Variants in ADAMTS6 observed in about 807,000 individuals in gnomAD.
ADAMTS6 encodes ADAM metallopeptidase with thrombospondin type 1 motif 6.
Under a neutral mutation model 144.3 loss-of-function variants are expected in ADAMTS6, and 23 were observed. The observed-to-expected ratio is 0.16, with a 90% CI of 0.11 to 0.23. The LOEUF is 0.23. ADAMTS6 is among the 10% of genes least tolerant of loss of function. The probability of loss-of-function intolerance (pLI) is 1.00; values close to 1 mark genes in which losing one functional copy is unlikely to be tolerated. For missense variants in ADAMTS6, 999 were observed against 1,379.6 expected (o/e 0.72, Z 4.37); for synonymous variants, 444 against 457.5 (o/e 0.97, Z 0.38).
At chr5:65,244,980 G>T (rs541873104) in intron 14 of ADAMTS6, among the ~76,000 whole-genome samples, 52 of 152,194 alleles carry the variant, frequency 3.4e-4, no homozygotes, top group Non-Finnish European at 5.3e-4. Context: ...TCGGAGTAAG[G>T]CAGACCTGGA....
chr5:65,452,655 C>A, intron 5 of ADAMTS6, 52 bp downstream of exon 5: 2 of 1,585,966 alleles, frequency 1.3e-6, no homozygotes, highest in South Asian at 2.3e-5. Context: ...TGACCTTAGT[C>A]AAAAACACAA....
chr5:65,412,747 C>T (rs112192165), intron 7 of ADAMTS6, among the ~76,000 whole-genome samples: 1 of 151,894 alleles, frequency 6.6e-6, no homozygotes, highest in Non-Finnish European at 1.5e-5. Context: ...TATCAAATAA[C>T]AACTAAAAAC....
At chr5:65,447,396 GC>G (rs934304973) in intron 7 of ADAMTS6, among the ~76,000 whole-genome samples, 2 of 152,168 alleles carry the variant, frequency 1.3e-5, no homozygotes, top group African/African-American at 4.8e-5. Context: ...TCAAGCCAAT[GC>G]TAGATTTAGC....
rs1212485824 is a variant in ADAMTS6, at chr5:65,263,885, G to T, written c.1621-923C>A. Among the ~76,000 whole-genome samples the T allele has an allele frequency of 2.6e-5, 4 of 152,158 alleles. 1 individual carries two copies. Among genetic ancestry groups the T allele is most frequent in the Admixed American group, 2.0e-4 (3 of 15,276 alleles). ...AATAAGGAACATGGTTATCAGCAAA[G>T]TTGAACAAATGTCATCAATGTTAGG... On this transcript the variant is annotated intron_variant, in intron 12 of 24. Coordinates refer to ENST00000381055, the MANE Select transcript of ADAMTS6 (RefSeq NM_197941.4).
intron 11 of ADAMTS6, among the ~76,000 whole-genome samples, chr5:65,283,320 T>C (rs1763127203): frequency 6.6e-6 from 1 of 151,970 alleles, no homozygotes; most frequent in South Asian, 2.1e-4. Context: ...ATGTTACGGG[T>C]AATGGGAAAT....
At chr5:65,225,170 C>A in intron 16 of ADAMTS6, 123 bp from the exon 17 acceptor site, 1 of 1,156,774 alleles carries the variant, frequency 8.6e-7, no homozygotes, top group Non-Finnish European at 1.2e-6. Flanking sequence ...ATAAGGTAAT[C>A]CGTGAATAAA....
chr5:65,474,777 C>A (rs1327149902), intron 1 of ADAMTS6, among the ~76,000 whole-genome samples: 1 of 64,614 alleles, frequency 1.5e-5, no homozygotes, highest in African/African-American at 6.0e-5. Flanking sequence ...AAACTAGCCA[C>A]AAACAGCCAA....
At chr5:65,357,637 A>AT (rs111449590) in intron 7 of ADAMTS6, among the ~76,000 whole-genome samples, 6,799 of 151,862 alleles carry the variant, frequency 0.045, 287 homozygotes, top group African/African-American at 0.11. Context: ...TTCAAAAAAA[A>AT]CATAAACAAA....
chr5:65,328,548 C>A (rs1245858895), intron 9 of ADAMTS6, among the ~76,000 whole-genome samples: 1 of 151,548 alleles, frequency 6.6e-6, no homozygotes, highest in African/African-American at 2.4e-5. Flanking sequence ...AAAAAAAAAT[C>A]CTGTTAGTAA....
At chr5:65,264,834 C>T (rs1425386424) in intron 12 of ADAMTS6, among the ~76,000 whole-genome samples, 1 of 151,962 alleles carries the variant, frequency 6.6e-6, no homozygotes, top group Non-Finnish European at 1.5e-5. Flanking sequence ...GTGTATGTAA[C>T]AAAAATTTAT....
chr5:65,157,416 G>A (rs1752492897), intron 24 of ADAMTS6, among the ~76,000 whole-genome samples: 2 of 152,206 alleles, frequency 1.3e-5, no homozygotes, highest in Non-Finnish European at 2.9e-5. Flanking sequence ...ACAAGACCAA[G>A]TCCTCAAATG....
intron 7 of ADAMTS6, among the ~76,000 whole-genome samples, chr5:65,381,048 CATAATT>C (rs11279915): frequency 0.031 from 4,712 of 152,212 alleles, 250 homozygotes; most frequent in African/African-American, 0.11. Context: ...AAATGATAAA[CATAATT>C]ATAACCCTAT....
At chr5:65,473,059 G>C (rs1322910945) in intron 2 of ADAMTS6, among the ~76,000 whole-genome samples, 1 of 152,096 alleles carries the variant, frequency 6.6e-6, no homozygotes, top group African/African-American at 2.4e-5. Context: ...CAATTCTATA[G>C]ATTAAAATTA....
At chr5:65,409,087 G>A (rs1754825312) in intron 7 of ADAMTS6, among the ~76,000 whole-genome samples, 1 of 152,284 alleles carries the variant, frequency 6.6e-6, no homozygotes, top group East Asian at 1.9e-4. Context: ...ACGATTAAAA[G>A]AACTAGAGAA....
At chr5:65,465,631 T>C (rs1375532359) in intron 3 of ADAMTS6, among the ~76,000 whole-genome samples, 1 of 152,216 alleles carries the variant, frequency 6.6e-6, no homozygotes, top group Admixed American at 6.5e-5. Flanking sequence ...CAAACTCTTC[T>C]TCACTGAAAC....
intron 21 of ADAMTS6, among the ~76,000 whole-genome samples, chr5:65,192,711 A>T (rs1755093443): frequency 6.6e-6 from 1 of 150,410 alleles, no homozygotes; most frequent in Non-Finnish European, 1.5e-5. Context: ...TTTCATTCAT[A>T]GTCACTTTAC....
At chr5:65,306,939 G>C (rs1279047753) in intron 9 of ADAMTS6, among the ~76,000 whole-genome samples, 1 of 152,106 alleles carries the variant, frequency 6.6e-6, no homozygotes, top group Non-Finnish European at 1.5e-5. Context: ...AAATGTGTTT[G>C]ACTGTAACAC....
chr5:65,337,533 C>T (rs1747418686), intron 7 of ADAMTS6, among the ~76,000 whole-genome samples: 2 of 152,056 alleles, frequency 1.3e-5, no homozygotes. Context: ...CTTGAGAAAT[C>T]ATTTAATTCA....
intron 7 of ADAMTS6, among the ~76,000 whole-genome samples, chr5:65,435,009 T>G (rs1757283008): frequency 6.6e-6 from 1 of 152,252 alleles, no homozygotes; most frequent in African/African-American, 2.4e-5. Context: ...AAAGTCTGAA[T>G]ATATATCCAT....
Sources: gnomAD v4.1 joint callset for allele counts (sites outside exome capture counted in the v4.1 genomes callset) on GRCh38, gnomAD v4.1.1 for gene constraint, MANE v1.5 for transcripts, NCBI Gene and HGNC (gene_info 2026-07-23, HGNC 2026-07-21) for gene names.